METTL6: variants seen among roughly 807,000 people sequenced by gnomAD.
METTL6 encodes the protein methyltransferase 6, tRNA N3-cytidine.
In METTL6, 22 loss-of-function variants were observed where a neutral mutation model predicts 26.4. The observed-to-expected ratio is 0.83, with a 90% CI of 0.59 to 1.19. The LOEUF is 1.19. Ranked by LOEUF, METTL6 falls within the 50% of genes most tolerant of loss-of-function variation. The pLI, the probability that METTL6 is intolerant of heterozygous loss-of-function variation, is 0.00. For synonymous variants in METTL6, 109 were observed against 116.2 expected (o/e 0.94, Z 0.40); for missense variants, 304 against 324.8 (o/e 0.94, Z 0.49).
At chr3:15,396,698 T>G (rs1054793813) in intron 6 of METTL6, among the ~76,000 whole-genome samples, 1 of 152,164 alleles carries the variant, frequency 6.6e-6, no homozygotes, top group African/African-American at 2.4e-5. Context: ...TTCTTTTCCT[T>G]CTAACAGTCA....
intron 5 of METTL6, chr3:15,413,798 T>G: frequency 6.8e-7 from 1 of 1,465,918 alleles, no homozygotes. Context: ...CCCAAGCTCA[T>G]TAGGGGAGTC....
rs1247620894 is a variant in METTL6, at chr3:15,410,701, T to A, written c.*555A>T. 6.6e-6 allele frequency among the ~76,000 whole-genome samples: 1 copy of A among 151,962 alleles called. No individual in the cohort carries two copies. The highest frequency in any genetic ancestry group is 1.5e-5 in the Non-Finnish European group (1 of 68,004). On this transcript the variant is annotated 3_prime_UTR_variant, in exon 6 of 6. Coordinates refer to ENST00000383790, the MANE Select transcript of METTL6 (RefSeq NM_152396.4). ...ATGGATAAAGCGGGACTACTGTACA[T>A]GCTCATTAAAAAAAATTAAGGGCCA...
rs1395438190 is a variant in METTL6, at chr3:15,415,446, C to T, written c.531+326G>A. 2.6e-6 allele frequency: 4 copies of T among 1,523,336 alleles called. No homozygotes were observed. The Admixed American group carries it at 7.7e-5, about 29-fold the overall frequency. 94.4% of individuals were successfully genotyped at this position (1,523,336 alleles called of 1,614,324 possible). A position where few individuals can be genotyped will look rare whatever the true frequency, so the allele number is the denominator to read the frequency against. On this transcript the variant is annotated intron_variant, in intron 4 of 5. Coordinates refer to ENST00000383790, the MANE Select transcript of METTL6 (RefSeq NM_152396.4). ...TGTTGGGATTACAGGCATGAAACAC[C>T]ACACCTGGCCAAACTGTGTACTCTT...
downstream of METTL6, among the ~76,000 whole-genome samples, chr3:15,407,666 C>T (rs950858502): frequency 2.0e-5 from 3 of 152,180 alleles, no homozygotes; most frequent in Admixed American, 6.5e-5. Flanking sequence ...ACCAACAGCC[C>T]GTTAGTCTTC....
chr3:15,422,541 T>C (rs1415858155), intron 3 of METTL6, among the ~76,000 whole-genome samples: 1 of 151,550 alleles, frequency 6.6e-6, no homozygotes, highest in Non-Finnish European at 1.5e-5. Context: ...AGGAGGATCA[T>C]TTCAGCTCAG....
chr3:15,394,941 A>AGGTGT (rs1178715926), intron 6 of METTL6, among the ~76,000 whole-genome samples: 3 of 152,256 alleles, frequency 2.0e-5, no homozygotes, highest in Admixed American at 6.5e-5. Flanking sequence ...ATTTTGGAAT[A>AGGTGT]GGTGTGGTGT....
chr3:15,412,961 T>C (rs866374481), intron 5 of METTL6, among the ~76,000 whole-genome samples: 10 of 152,320 alleles, frequency 6.6e-5, no homozygotes, highest in South Asian at 4.1e-4. Context: ...AATACCTCTT[T>C]AGGCTGGGCA....
At chr3:15,415,058 A>ACAAC in intron 4 of METTL6, 2 of 909,824 alleles carry the variant, frequency 2.2e-6, no homozygotes, top group Non-Finnish European at 2.8e-6. Context: ...AAACAAACAA[A>ACAAC]CAAACAAAAA....
At position 15,410,323 on chromosome 3, in the gene METTL6, A is replaced by AT. The variant is rs1009471970; in HGVS notation, c.*932dup. On this transcript the variant is annotated 3_prime_UTR_variant, in exon 6 of 6. Coordinates refer to ENST00000383790, the MANE Select transcript of METTL6 (RefSeq NM_152396.4). ...AAGTTATGTGAATGTGATCTTTCAA[A>AT]TTTTTTTTGTTTTTTTTGAGACAGA... Among the ~76,000 whole-genome samples, 73 of 151,922 alleles carry AT rather than the reference A, an allele frequency of 4.8e-4. No individual in the cohort carries two copies. Among genetic ancestry groups the AT allele is most frequent in the African/African-American group, 1.6e-3 (67 of 41,476 alleles).
intron 3 of METTL6, among the ~76,000 whole-genome samples, chr3:15,416,506 C>A (rs1373334787): frequency 1.3e-5 from 2 of 152,284 alleles, no homozygotes; most frequent in South Asian, 4.1e-4. Context: ...CCTCCCACTT[C>A]AGCCTTCCAA....
intron 5 of METTL6, among the ~76,000 whole-genome samples, chr3:15,411,760 T>A (rs530926917): frequency 3.2e-4 from 49 of 151,946 alleles, no homozygotes; most frequent in South Asian, 1.7e-3. Context: ...TTTTTTTTTT[T>A]AATTAAAAAA....
At chr3:15,392,522 T>C (rs1699378043) in intron 6 of METTL6, among the ~76,000 whole-genome samples, 1 of 152,226 alleles carries the variant, frequency 6.6e-6, no homozygotes, top group Admixed American at 6.5e-5. Context: ...TTGTCAATTT[T>C]GGCTTTCGTT....
chr3:15,415,076 T>A lies in METTL6; in HGVS notation c.531+696A>T, dbSNP rs113804524. ...CAAACAAACAAACAAAAAACCAGAATGTCGTTTTGGCTCTTTACTGATTCA... is the reference window on the plus strand; with the variant it reads ...CAAACAAACAAACAAAAAACCAGAAAGTCGTTTTGGCTCTTTACTGATTCA... On this transcript the variant is annotated intron_variant, in intron 4 of 5. Transcript: ENST00000383790. 5.5e-3 allele frequency among the ~76,000 whole-genome samples: 843 copies of A among 151,946 alleles called. 7 individuals are homozygous for A. The highest frequency in any genetic ancestry group is 0.018 in the African/African-American group (758 of 41,456).
downstream of METTL6, among the ~76,000 whole-genome samples, chr3:15,408,562 C>CTTTTTTTT (rs57787117): frequency 4.3e-5 from 5 of 116,228 alleles, no homozygotes; most frequent in South Asian, 2.9e-4. Flanking sequence ...GCTCCTTGCT[C>CTTTTTTTT]TTTTTTTTTT....
At chr3:15,389,651 G>C (rs1559478109) in intron 6 of METTL6, among the ~76,000 whole-genome samples, 3 of 152,082 alleles carry the variant, frequency 2.0e-5, no homozygotes, top group Admixed American at 6.6e-5. Flanking sequence ...CTGGGTTCAA[G>C]AGATTCTCCT....
intron 6 of METTL6, among the ~76,000 whole-genome samples, chr3:15,399,146 G>C (rs1699568181): frequency 6.6e-6 from 1 of 152,088 alleles, no homozygotes; most frequent in East Asian, 1.9e-4. Flanking sequence ...ACCCTATATG[G>C]TCTAAAAGGG....
At chr3:15,404,950 G>T (rs1162384242), downstream of METTL6, among the ~76,000 whole-genome samples, 1 of 152,186 alleles carries the variant, frequency 6.6e-6, no homozygotes, top group Admixed American at 6.5e-5. Context: ...AACAGTCTTG[G>T]TTTACTCATT....
Position 15,392,929 on chromosome 3 carries a change from G to A in METTL6, c.*12-8742C>T, listed in dbSNP as rs1463168363. Among the ~76,000 whole-genome samples, 7 of 152,246 alleles carry A rather than the reference G, an allele frequency of 4.6e-5. No individual in the cohort carries two copies. The East Asian group carries it at 5.8e-4, about 13-fold the overall frequency. ...GTAGTATAGTTTGAAGTCAGGTAGC[G>A]TGATGCCTCCAGCTTTGTTCTTTTG... On this transcript the variant is annotated intron_variant, in intron 6 of 6. Transcript: ENST00000443029.
rs1160083488 is a variant in METTL6 at position 15,426,496 on chromosome 3, T to C, written c.16A>G (p.Arg6Gly). 3 of 1,613,644 alleles carry C rather than the reference T, an allele frequency of 1.9e-6. No homozygotes were observed. Among genetic ancestry groups the C allele is most frequent in the South Asian group, 1.1e-5 (1 of 91,054 alleles). The part of the protein sequence containing the change: MASLQ[R>G]KGLQARILTS... ...AGAATCCTTGCCTGCAGCCCTTTCC[T>C]TTGCAAAGAAGCCATCTCTGAAACT... The change falls in exon 2 of 6, where the codon AGG becomes GGG. Residue 6 changes from arginine (R) to glycine (G), a missense_variant. Transcript: ENST00000383790.
Sources: allele counts gnomAD v4.1 joint callset (sites outside exome capture counted in the v4.1 genomes callset), GRCh38; gene constraint gnomAD v4.1.1; transcripts MANE v1.5; gene names NCBI Gene and HGNC (gene_info 2026-07-23, HGNC 2026-07-21).